GIPC2: variants seen among roughly 807,000 people sequenced by gnomAD.
GIPC2 encodes PDZ domain-containing protein GIPC2.
A neutral mutation model predicts 30.6 loss-of-function variants in GIPC2; 30 were observed. The observed-to-expected ratio is 0.98, with a 90% CI of 0.73 to 1.33. The LOEUF (loss-of-function observed/expected upper bound fraction) is 1.33, where lower values mean the gene tolerates loss of function less well. GIPC2 is among the 40% of genes most tolerant of loss of function. GIPC2 has a pLI of 0.00. For synonymous variants in GIPC2, 167 were observed against 150.0 expected (o/e 1.11, Z -0.83); for missense variants, 414 against 390.3 (o/e 1.06, Z -0.51).
At chr1:78,097,158 C>T (rs934606120) in intron 3 of GIPC2, among the ~76,000 whole-genome samples, 1 of 152,158 alleles carries the variant, frequency 6.6e-6, no homozygotes, top group African/African-American at 2.4e-5. Flanking sequence ...CAGGCTTCCC[C>T]CAATTCTCTT....
In GIPC2 at chr1:78,120,585, G is replaced by A. The variant is rs1662661705; in HGVS notation, c.714+1086G>A. ...TACTTGAGACTGGGTAATTTATAAAGAAAAAGAGGTTTAACGGACTCACAG... is the reference window on the plus strand; with the variant it reads ...TACTTGAGACTGGGTAATTTATAAAAAAAAAGAGGTTTAACGGACTCACAG... On this transcript the variant is annotated intron_variant, in intron 4 of 5. Transcript: ENST00000370759. Among the ~76,000 whole-genome samples, 5 of 152,130 alleles carry A rather than the reference G, an allele frequency of 3.3e-5. No individual in the cohort carries two copies. The South Asian group carries it at 1.0e-3, about 32-fold the overall frequency.
chr1:78,079,793 A>T (rs1046130678), intron 1 of GIPC2, among the ~76,000 whole-genome samples: 3 of 152,168 alleles, frequency 2.0e-5, no homozygotes, highest in Non-Finnish European at 2.9e-5. Context: ...TGGTTGACAA[A>T]CTTGAGTAGC....
chr1:78,098,994 A>G (rs2100386417), intron 3 of GIPC2, among the ~76,000 whole-genome samples: 1 of 152,286 alleles, frequency 6.6e-6, no homozygotes, highest in Non-Finnish European at 1.5e-5. Flanking sequence ...CTAGGAAATT[A>G]TAGAGGATAA....
intron 3 of GIPC2, among the ~76,000 whole-genome samples, chr1:78,105,593 T>G (rs1662335408): frequency 6.6e-6 from 1 of 152,080 alleles, no homozygotes; most frequent in African/African-American, 2.4e-5. Flanking sequence ...ACCAGAACCG[T>G]AATGTTTTTT....
At chr1:78,076,566 G>A (rs1344588508) in intron 1 of GIPC2, among the ~76,000 whole-genome samples, 1 of 152,144 alleles carries the variant, frequency 6.6e-6, no homozygotes, top group Non-Finnish European at 1.5e-5. Context: ...ATGCTCCTAT[G>A]AGAGTGTAAT....
At chr1:78,132,200 G>A (rs1184700773) in intron 5 of GIPC2, among the ~76,000 whole-genome samples, 1 of 152,214 alleles carries the variant, frequency 6.6e-6, no homozygotes, top group Non-Finnish European at 1.5e-5. Flanking sequence ...TTATAGGGTT[G>A]CCAAGGAATC....
rs763950038 is a variant in GIPC2 at position 78,046,351 on chromosome 1, T to TCAGGCTCTC, written c.240+19_240+27dup. 1.1e-4 allele frequency: 169 copies of TCAGGCTCTC among 1,594,134 alleles called. 3 individuals carry two copies. In the South Asian group the frequency reaches 1.5e-3, roughly 14 times the overall value. On this transcript the variant is annotated intron_variant, in intron 1 of 5. Transcript: ENST00000370759. ...CCGTCGGAGGTAAGGCGCCAGGTGC[T>TCAGGCTCTC]CAGGCTCTCCCGCCTCTCCGCCGCG...
In GIPC2 at chr1:78,135,950, C is replaced by A; in HGVS notation, c.*207C>A. ...GATGTAGTATGCTTAAGAGAAATGA[C>A]CTAAATAAGGATCAATTGTAATATT... is the stretch of plus-strand genomic sequence containing the variant. On this transcript the variant is annotated 3_prime_UTR_variant, in exon 6 of 6. Coordinates refer to ENST00000370759, the MANE Select transcript of GIPC2 (RefSeq NM_017655.6). The A allele has an allele frequency of 4.7e-6, 2 of 426,574 alleles. No homozygotes were observed. Among genetic ancestry groups the A allele is most frequent in the Non-Finnish European group, 8.1e-6 (2 of 245,500 alleles). 26.4% of individuals were successfully genotyped at this position (426,574 alleles called of 1,614,324 possible).
In GIPC2 at chr1:78,137,163, G is replaced by A. The variant is rs1052147085; in HGVS notation, c.*1420G>A. 14 of 152,098 alleles carry A rather than the reference G, an allele frequency of 9.2e-5. No homozygotes were observed. The highest frequency in any genetic ancestry group is 3.4e-4 in the African/African-American group (14 of 41,432). 9.4% of individuals were successfully genotyped at this position (152,098 alleles called of 1,614,324 possible). A position where few individuals can be genotyped will look rare whatever the true frequency, so the allele number is the denominator to read the frequency against. On this transcript the variant is annotated 3_prime_UTR_variant, in exon 6 of 6. Transcript: ENST00000370759. The stretch of plus-strand genomic sequence containing the variant: ...CAGAAGCTGTTTTAGTCATTAATGT[G>A]TAACAAAAGTAGCTTATAGAATATG...
intron 3 of GIPC2, among the ~76,000 whole-genome samples, chr1:78,108,710 G>C (rs1662406722): frequency 6.6e-6 from 1 of 152,186 alleles, no homozygotes; most frequent in African/African-American, 2.4e-5. Context: ...ACACAAGCTA[G>C]ATTTTGTGTC....
chr1:78,127,991 C>G (rs1031385220), intron 5 of GIPC2, among the ~76,000 whole-genome samples: 2 of 140,430 alleles, frequency 1.4e-5, no homozygotes, highest in African/African-American at 5.2e-5. Context: ...CATTGCCAGC[C>G]CTGAGAACTT....
intron 3 of GIPC2, among the ~76,000 whole-genome samples, chr1:78,101,727 C>T (rs938650456): frequency 7.2e-5 from 11 of 152,216 alleles, no homozygotes; most frequent in Middle Eastern, 3.4e-3. Context: ...TATCAAGTAT[C>T]GGCTGGAATG....
At position 78,134,161 on chromosome 1, in the gene GIPC2, C is replaced by T. The variant is rs371637189; in HGVS notation, c.797-1431C>T. ...GAATGTGTATACACATGCATGTATG[C>T]ATTTATGTCTGTATTTTTATAACAC... On this transcript the variant is annotated intron_variant, in intron 5 of 5. Coordinates refer to ENST00000370759, the MANE Select transcript of GIPC2 (RefSeq NM_017655.6). 6.6e-5 allele frequency among the ~76,000 whole-genome samples: 10 copies of T among 152,052 alleles called. No homozygotes were observed. The East Asian group carries it at 9.7e-4, about 15-fold the overall frequency.
At chr1:78,084,286 G>A (rs1427942476) in intron 2 of GIPC2, among the ~76,000 whole-genome samples, 1 of 152,184 alleles carries the variant, frequency 6.6e-6, no homozygotes, top group Admixed American at 6.5e-5. Flanking sequence ...GGCTGAGGTA[G>A]GTGGATAACT....
chr1:78,067,435 ATTTTTCTTTTC>A (rs764229045), intron 1 of GIPC2, among the ~76,000 whole-genome samples: 9 of 151,772 alleles, frequency 5.9e-5, no homozygotes, highest in African/African-American at 1.2e-4. Context: ...ATTTTTGCAA[ATTTTTCTTTTC>A]TTTTTCTTTT....
chr1:78,079,256 A>AT (rs1238805366), intron 1 of GIPC2, among the ~76,000 whole-genome samples: 8 of 151,104 alleles, frequency 5.3e-5, no homozygotes, highest in East Asian at 3.9e-4. Context: ...AGCCAGTGGC[A>AT]TTTTTTTTTG....
rs1426487330 is a variant in GIPC2 at position 78,119,487 on chromosome 1, C to T, written c.702C>T (p.Thr234=). 10 of 1,600,328 alleles carry T rather than the reference C, an allele frequency of 6.2e-6. No individual in the cohort carries two copies. The highest frequency in any genetic ancestry group is 2.7e-5 in the African/African-American group (2 of 74,606). The change falls in exon 4 of 6, where the codon ACC becomes ACT. Residue 234 remains threonine (T), a synonymous_variant. Coordinates refer to ENST00000370759, the MANE Select transcript of GIPC2 (RefSeq NM_017655.6). Reference sequence around the variant, plus strand: ...GCCTGAGATCAAAAGGTCCTGCCACCGTGGAAGAAATGGTATGTTATGTTC... The same window carrying T: ...GCCTGAGATCAAAAGGTCCTGCCACTGTGGAAGAAATGGTATGTTATGTTC... The part of the protein sequence containing the change: ...TLRLRSKGPA[T]VEEMPSETKA...
At chr1:78,076,929 T>G (rs947393083) in intron 1 of GIPC2, among the ~76,000 whole-genome samples, 2 of 151,858 alleles carry the variant, frequency 1.3e-5, no homozygotes, top group Non-Finnish European at 2.9e-5. Flanking sequence ...CCACCATGCC[T>G]GGCTATTTTT....
intron 1 of GIPC2, among the ~76,000 whole-genome samples, chr1:78,066,115 G>T (rs560989792): frequency 1.3e-5 from 2 of 152,176 alleles, no homozygotes; most frequent in Admixed American, 6.5e-5. Flanking sequence ...ACAACCTAGA[G>T]AATTGGAGAA....
Sources: allele counts gnomAD v4.1 joint callset (sites outside exome capture counted in the v4.1 genomes callset), GRCh38; gene constraint gnomAD v4.1.1; transcripts MANE v1.5; gene names NCBI Gene and HGNC (gene_info 2026-07-23, HGNC 2026-07-21).